The following MIER1 variants were observed in gnomAD, a reference collection of about 807,000 sequenced individuals.
The protein encoded by MIER1 is mesoderm induction early response protein 1.
A neutral mutation model predicts 75.7 loss-of-function variants in MIER1; 40 were observed. The ratio of observed to expected loss-of-function variants is 0.53; its 90% CI spans 0.41 to 0.69. The LOEUF (loss-of-function observed/expected upper bound fraction) is 0.69, where lower values mean the gene tolerates loss of function less well. Ranked by LOEUF, MIER1 falls within the 30% of genes least tolerant of loss-of-function variation. MIER1 has a pLI of 0.00. For missense variants in MIER1, 574 were observed against 680.2 expected, an observed-to-expected ratio of 0.84 and a Z score of 1.74; for synonymous variants, 213 against 223.4, an observed-to-expected ratio of 0.95 and a Z score of 0.42.
chr1:66,928,125 A>G (rs1359079159), intron 2 of MIER1, among the ~76,000 whole-genome samples: 1 of 152,114 alleles, frequency 6.6e-6, no homozygotes, highest in Non-Finnish European at 1.5e-5. Context: ...CACATTTATA[A>G]AAAGGGGAAG....
At chr1:66,927,958 C>T (rs984634524) in intron 2 of MIER1, among the ~76,000 whole-genome samples, 4 of 151,878 alleles carry the variant, frequency 2.6e-5, no homozygotes, top group Admixed American at 1.3e-4. Flanking sequence ...CTTTTCATTC[C>T]GTAAGGTGGC....
In MIER1 at chr1:66,981,894, A is replaced by C; in HGVS notation, c.1345A>C (p.Thr449Pro). ...SNSQSEKEDG[T>P]VSTANQNGVS... ...CAGCCAGTCTGAGAAAGAAGATGGC[A>C]CTGTAAGCACTGCTAATCAAAATGG... Residue 449 changes from threonine (T) to proline (P), a missense_variant, in exon 13 of 14, where the codon ACT (threonine) becomes CCT (proline). Transcript: ENST00000401041. 6.2e-7 allele frequency: 1 copy of C among 1,614,024 alleles called. No homozygotes were observed. Among genetic ancestry groups the C allele is most frequent in the Non-Finnish European group, 8.5e-7 (1 of 1,179,910 alleles).
chr1:66,962,575 CAG>C (rs1306324173), intron 7 of MIER1, among the ~76,000 whole-genome samples: 1 of 152,044 alleles, frequency 6.6e-6, no homozygotes, highest in Non-Finnish European at 1.5e-5. Context: ...CCCAGCTACT[CAG>C]AGACTGAGGT....
At chr1:66,983,810 C>G (rs1004785078) in intron 13 of MIER1, among the ~76,000 whole-genome samples, 1 of 152,200 alleles carries the variant, frequency 6.6e-6, no homozygotes, top group African/African-American at 2.4e-5. Flanking sequence ...TCACTGCAAC[C>G]TCCGCCTCCT....
intron 13 of MIER1, among the ~76,000 whole-genome samples, chr1:66,982,651 G>C (rs1375316965): frequency 1.3e-5 from 2 of 152,226 alleles, no homozygotes; most frequent in African/African-American, 4.8e-5. Flanking sequence ...GGTGATAGGA[G>C]AGTACCAGTG....
rs1286632803 is a variant in MIER1 at position 66,924,995 on chromosome 1, C to T, written c.-34C>T. ...AGGCGGGCGGCCCGGGCCTCAGGCC[C>T]CTCCCAGGCTCTGAGTCTCCCGGCT... On this transcript the variant is annotated 5_prime_UTR_variant, in exon 1 of 14. Coordinates refer to ENST00000401041, the MANE Select transcript of MIER1 (RefSeq NM_001077700.3). 8 of 1,540,970 alleles carry T rather than the reference C, an allele frequency of 5.2e-6. No individual in the cohort carries two copies. The highest frequency in any genetic ancestry group is 6.1e-6 in the Non-Finnish European group (7 of 1,143,958).
chr1:66,958,144 A>C lies in MIER1; in HGVS notation c.425A>C (p.Glu142Ala). 3 of 1,601,374 alleles carry C rather than the reference A, an allele frequency of 1.9e-6. No individual in the cohort carries two copies. The highest frequency in any genetic ancestry group is 2.6e-6 in the Non-Finnish European group (3 of 1,168,586). ...VRLPEEDEEE[E>A]EEEEEGEDDE... is the part of the protein sequence containing the mutation. ...CTACCTGAAGAAGATGAGGAAGAGG[A>C]AGAAGAGGAAGAAGAAGGTGAAGAT... The change falls in exon 5 of 14, where the codon GAA (glutamate) becomes GCA (alanine). Residue 142 changes from glutamate (E) to alanine (A), a missense_variant. Physicochemically the swap from Glu to Ala is moderately radical, Grantham distance 107 (BLOSUM62 -1). Around this residue, in one of 3 missense-constraint regions of MIER1, gnomAD observed 309 missense variants for 352.8 expected, o/e 0.88. Coordinates refer to ENST00000401041, the MANE Select transcript of MIER1 (RefSeq NM_001077700.3).
chr1:66,926,907 G>C (rs1651950712), intron 2 of MIER1, among the ~76,000 whole-genome samples: 2 of 152,086 alleles, frequency 1.3e-5, no homozygotes, highest in Admixed American at 1.3e-4. Flanking sequence ...TTGCATAACA[G>C]ATAGGTTTAT....
intron 3 of MIER1, among the ~76,000 whole-genome samples, chr1:66,940,940 C>T (rs908906172): frequency 6.6e-6 from 1 of 152,110 alleles, no homozygotes; most frequent in African/African-American, 2.4e-5. Context: ...GAAAGTGAAC[C>T]CTCTGAGGCA....
chr1:66,944,726 T>C (rs1657083820), intron 3 of MIER1, among the ~76,000 whole-genome samples: 1 of 151,898 alleles, frequency 6.6e-6, no homozygotes, highest in African/African-American at 2.4e-5. Flanking sequence ...TTTTTTTTTA[T>C]TTATTTTTTA....
intron 7 of MIER1, among the ~76,000 whole-genome samples, chr1:66,962,853 T>A (rs889754901): frequency 6.6e-6 from 1 of 152,192 alleles, no homozygotes. Context: ...TATTTTGAAA[T>A]AAAGTTTGTA....
chr1:66,943,871 AGTCCAGTAAAAGCATAGGT>A (rs1420445319), intron 3 of MIER1, among the ~76,000 whole-genome samples: 1 of 152,346 alleles, frequency 6.6e-6, no homozygotes, highest in East Asian at 1.9e-4. Context: ...GGAGGCTTGG[AGTCCAGTAAAAGCATAGGT>A]GTTAGGATTA....
chr1:66,930,197 C>G, intron 2 of MIER1: 2 of 1,367,344 alleles, frequency 1.5e-6, no homozygotes, highest in East Asian at 3.1e-5. Flanking sequence ...CCAGCCCAGC[C>G]GGGGCGCCGC....
At chr1:66,973,057 C>T (rs1664018688) in intron 11 of MIER1, 66 bp downstream of exon 11, 7 of 840,558 alleles carry the variant, frequency 8.3e-6, no homozygotes, top group African/African-American at 3.4e-5. Flanking sequence ...GGTCATGTAT[C>T]GTAATTTGTT....
chr1:66,925,235 G>A, intron 1 of MIER1, 140 bp downstream of exon 1: 1 of 1,357,194 alleles, frequency 7.4e-7, no homozygotes, highest in South Asian at 1.9e-5. Flanking sequence ...AACTTCCGGG[G>A]AGGGGCTGCC....
chr1:66,932,444 T>C (rs916172291), intron 2 of MIER1, among the ~76,000 whole-genome samples: 2 of 152,298 alleles, frequency 1.3e-5, no homozygotes, highest in South Asian at 2.1e-4. Context: ...AGAGGAACTT[T>C]CGTGATCTGT....
chr1:66,936,210 CTTTAG>C (rs1230007944), intron 2 of MIER1, among the ~76,000 whole-genome samples: 2 of 151,684 alleles, frequency 1.3e-5, no homozygotes, highest in African/African-American at 4.8e-5. Flanking sequence ...ACTTACTTAG[CTTTAG>C]TTTAGTTTTG....
intron 4 of MIER1, among the ~76,000 whole-genome samples, chr1:66,948,835 G>A (rs891401355): frequency 6.6e-6 from 1 of 152,160 alleles, no homozygotes; most frequent in Non-Finnish European, 1.5e-5. Context: ...GGAATCCAAG[G>A]CTGCAGTGAG....
At chr1:66,944,883 A>G (rs956941244) in intron 3 of MIER1, among the ~76,000 whole-genome samples, 1 of 151,554 alleles carries the variant, frequency 6.6e-6, no homozygotes, top group Admixed American at 6.6e-5. Flanking sequence ...ACAGCACCAC[A>G]CCCAGCTAAT....
Sources: allele counts gnomAD v4.1 joint callset (sites outside exome capture counted in the v4.1 genomes callset), GRCh38; gene constraint gnomAD v4.1.1; regional missense constraint gnomAD v4.1.1; transcripts MANE v1.5; gene names NCBI Gene and HGNC (gene_info 2026-07-23, HGNC 2026-07-21).